The following PSD3 variants were observed in gnomAD, a reference collection of about 807,000 sequenced individuals.
PSD3 encodes PH and SEC7 domain-containing protein 3.
A neutral mutation model predicts 105.5 loss-of-function variants in PSD3; 49 were observed. The observed-to-expected ratio is 0.46, with a 90% confidence interval of 0.37 to 0.59. PSD3 has a LOEUF of 0.59. Among genes scored for constraint, PSD3 ranks in the 20% least tolerant of loss-of-function variants. The probability of loss-of-function intolerance (pLI) is 0.00; values close to 1 mark genes in which losing one functional copy is unlikely to be tolerated. For synonymous variants in PSD3, 557 were observed against 457.8 expected, an observed-to-expected ratio of 1.22 and a Z score of -2.77; for missense variants, 1,561 against 1,263.8, an observed-to-expected ratio of 1.24 and a Z score of -3.57.
chr8:18,575,226 C>A lies in PSD3; in HGVS notation c.2541G>T (p.Val847=). The change falls in exon 13 of 16, where the codon GTG becomes GTT. Residue 847 remains valine (V), a synonymous_variant. Transcript: ENST00000327040. ...TGGCCTTGGATGCCAATGCGTGGTG[C>A]ACACTCACAGCGTTTTTCAAGTCCT... ...SEEDLKNAVS[V]HHALASKATD... 1.9e-6 allele frequency: 3 copies of A among 1,613,736 alleles called. No homozygotes were observed. The highest frequency in any genetic ancestry group is 2.5e-6 in the Non-Finnish European group (3 of 1,179,788).
At chr8:18,904,687 A>G (rs1819728194) in intron 2 of PSD3, among the ~76,000 whole-genome samples, 1 of 152,252 alleles carries the variant, frequency 6.6e-6, no homozygotes, top group Non-Finnish European at 1.5e-5. Context: ...GTAATTGTTT[A>G]CTCAAGGTCA....
At position 18,735,402 on chromosome 8, in the gene PSD3, C is replaced by T. The variant is rs141474613; in HGVS notation, c.2172+30047G>A. Among the ~76,000 whole-genome samples the T allele has an allele frequency of 5.1e-3, 771 of 152,272 alleles. 4 individuals carry two copies. Among genetic ancestry groups the T allele is most frequent in the Non-Finnish European group, 8.2e-3 (555 of 68,018 alleles). On this transcript the variant is annotated intron_variant, in intron 9 of 15. Transcript: ENST00000327040. ...AGATACTCACAATCAGAGTAATACA[C>T]TGAATGGCGAATGGACGATAAACGT... is the stretch of plus-strand genomic sequence containing the variant.
At chr8:18,548,050 A>G (rs1275844720) in intron 15 of PSD3, among the ~76,000 whole-genome samples, 2 of 152,038 alleles carry the variant, frequency 1.3e-5, no homozygotes, top group African/African-American at 4.8e-5. Context: ...ACATGTTTTC[A>G]AGTTCTCAGC....
At chr8:18,930,230 G>C (rs1262715293) in intron 2 of PSD3, among the ~76,000 whole-genome samples, 1 of 152,154 alleles carries the variant, frequency 6.6e-6, no homozygotes, top group Non-Finnish European at 1.5e-5. Flanking sequence ...CATAGAGATA[G>C]AGCCAATTAC....
intron 2 of PSD3, among the ~76,000 whole-genome samples, chr8:18,912,448 C>T (rs987036654): frequency 6.9e-4 from 104 of 150,024 alleles, no homozygotes; most frequent in African/African-American, 2.3e-3. Flanking sequence ...AACTTTTGTA[C>T]TTAAATTTCT....
chr8:18,927,217 TGTTTTGTTTTTTCTGAGACAGA>T (rs1039498168), intron 2 of PSD3, among the ~76,000 whole-genome samples: 4 of 152,024 alleles, frequency 2.6e-5, no homozygotes, highest in African/African-American at 9.7e-5. Context: ...CGGGTTTTTT[TGTTTTGTTTTTTCTGAGACAGA>T]GTGTCACTCT....
At chr8:18,824,622 C>T (rs1813026518) in intron 4 of PSD3, among the ~76,000 whole-genome samples, 1 of 152,168 alleles carries the variant, frequency 6.6e-6, no homozygotes, top group Non-Finnish European at 1.5e-5. Context: ...GCGCAATTCC[C>T]AGAATAAATT....
chr8:18,595,233 A>G lies in PSD3; in HGVS notation c.2481+5131T>C, dbSNP rs185924572. On this transcript the variant is annotated intron_variant, in intron 12 of 15. Transcript: ENST00000327040. ...AGCAAACAAACAAACAAACAAAAAA[A>G]ACCCTAAAAGATACCCAAAAGAAAA... 5.4e-3 allele frequency among the ~76,000 whole-genome samples: 820 copies of G among 151,396 alleles called. 6 individuals carry two copies. Among genetic ancestry groups the G allele is most frequent in the African/African-American group, 0.019 (798 of 41,296 alleles).
chr8:18,990,735 G>C (rs768564587), intron 1 of PSD3, among the ~76,000 whole-genome samples: 3 of 152,090 alleles, frequency 2.0e-5, no homozygotes, highest in Non-Finnish European at 2.9e-5. Context: ...ATCAGAAAAG[G>C]TTGCCTGTGC....
intron 4 of PSD3, among the ~76,000 whole-genome samples, chr8:18,811,299 T>C (rs936838803): frequency 6.6e-6 from 1 of 152,172 alleles, no homozygotes; most frequent in Non-Finnish European, 1.5e-5. Flanking sequence ...TAAGCTTTAC[T>C]ACTATCCATT....
intron 9 of PSD3, among the ~76,000 whole-genome samples, chr8:18,730,595 A>G (rs1803672925): frequency 1.3e-5 from 2 of 152,208 alleles, no homozygotes; most frequent in African/African-American, 2.4e-5. Flanking sequence ...ATCCACTCAA[A>G]AAGTATTTAT....
At chr8:18,601,749 G>A (rs886172359) in intron 11 of PSD3, among the ~76,000 whole-genome samples, 1 of 152,170 alleles carries the variant, frequency 6.6e-6, no homozygotes, top group Non-Finnish European at 1.5e-5. Context: ...AAGATAAACA[G>A]ATAACCATAC....
chr8:18,678,705 G>C (rs1800206762), intron 9 of PSD3, among the ~76,000 whole-genome samples: 1 of 152,174 alleles, frequency 6.6e-6, no homozygotes, highest in South Asian at 2.1e-4. Flanking sequence ...CAGCTAACTT[G>C]GGAGGCCGAG....
chr8:18,829,960 A>G (rs978630019), intron 4 of PSD3, among the ~76,000 whole-genome samples: 8 of 152,148 alleles, frequency 5.3e-5, no homozygotes, highest in Non-Finnish European at 1.0e-4. Context: ...AAATCTTAAT[A>G]ACTTTATTTT....
chr8:18,798,560 T>C (rs1810391235), intron 8 of PSD3, among the ~76,000 whole-genome samples: 2 of 152,166 alleles, frequency 1.3e-5, no homozygotes, highest in Admixed American at 6.5e-5. Context: ...TTTTAAATTG[T>C]AAGATATATT....
chr8:18,765,308 C>G (rs534858024), intron 9 of PSD3, 141 bp downstream of exon 9: 6 of 694,130 alleles, frequency 8.6e-6, no homozygotes, highest in Non-Finnish European at 9.9e-6. Context: ...AAATCAAGGA[C>G]AAGGCTTAAA....
At chr8:18,922,385 T>C (rs1563424135) in intron 2 of PSD3, among the ~76,000 whole-genome samples, 1 of 152,224 alleles carries the variant, frequency 6.6e-6, no homozygotes, top group Non-Finnish European at 1.5e-5. Flanking sequence ...TTACATCTGG[T>C]GCAGCAAGTC....
intron 12 of PSD3, among the ~76,000 whole-genome samples, chr8:18,583,695 G>A (rs1007076743): frequency 2.6e-5 from 4 of 152,086 alleles, no homozygotes; most frequent in African/African-American, 7.2e-5. Flanking sequence ...TCTTTCATGA[G>A]CTTCCCTTCT....
At chr8:18,768,107 C>A in intron 8 of PSD3, among the ~76,000 whole-genome samples, 1 of 49,828 alleles carries the variant, frequency 2.0e-5, no homozygotes, top group Non-Finnish European at 5.3e-5. Context: ...CCTGTCTCTA[C>A]TGAAAATACA....
Sources: gnomAD v4.1 joint callset for allele counts (sites outside exome capture counted in the v4.1 genomes callset) on GRCh38, gnomAD v4.1.1 for gene constraint, MANE v1.5 for transcripts, NCBI Gene and HGNC (gene_info 2026-07-23, HGNC 2026-07-21) for gene names.